Variants in DLGAP2 observed in about 807,000 individuals in gnomAD.
DLGAP2 encodes DLG associated protein 2, also known as disks large-associated protein 2.
Under a neutral mutation model 100.3 loss-of-function variants are expected in DLGAP2, and 26 were observed. The ratio of observed to expected loss-of-function variants is 0.26; its 90% CI spans 0.19 to 0.36. DLGAP2 has a LOEUF of 0.36. Among genes scored for constraint, DLGAP2 ranks in the 10% least tolerant of loss-of-function variants. DLGAP2 has a pLI of 1.00. For missense variants in DLGAP2, 1,858 were observed against 1,453.2 expected (o/e 1.28, Z -4.53); for synonymous variants, 886 against 630.1 (o/e 1.41, Z -6.08).
At chr8:997,493 A>G (rs983670749) in intron 2 of DLGAP2, among the ~76,000 whole-genome samples, 1 of 152,182 alleles carries the variant, frequency 6.6e-6, no homozygotes, top group African/African-American at 2.4e-5. Flanking sequence ...AGGAGTAACC[A>G]TCATTCACTA....
chr8:895,590 G>A (rs1461697886), intron 1 of DLGAP2, among the ~76,000 whole-genome samples: 12 of 152,194 alleles, frequency 7.9e-5, no homozygotes, highest in Admixed American at 7.2e-4. Context: ...GCCCTTTAAC[G>A]ATGAAATGTT....
intron 3 of DLGAP2, among the ~76,000 whole-genome samples, chr8:1,490,797 A>G (rs1343582114): frequency 6.7e-6 from 1 of 150,354 alleles, no homozygotes; most frequent in Admixed American, 6.6e-5. Flanking sequence ...CCCCAGGGTT[A>G]GGGAGGCAAG....
Position 1,361,074 on chromosome 8 carries a change from G to A in DLGAP2, c.106+102191G>A, listed in dbSNP as rs535051447. Among the ~76,000 whole-genome samples, 38 of 152,306 alleles carry A rather than the reference G, an allele frequency of 2.5e-4. No homozygotes were observed. In the Middle Eastern group the frequency reaches 0.014, roughly 55 times the overall value. On this transcript the variant is annotated intron_variant, in intron 3 of 14. Coordinates refer to ENST00000637795, the MANE Select transcript of DLGAP2 (RefSeq NM_001346810.2). ...TTTAAGCTTTGTGTGGGCAGTGGCC[G>A]GGACCAGCCCCAGGCTGTTCACAGT... is the stretch of plus-strand genomic sequence containing the variant.
chr8:1,386,557 A>T (rs912830166), intron 3 of DLGAP2, among the ~76,000 whole-genome samples: 9 of 152,164 alleles, frequency 5.9e-5, no homozygotes, highest in Middle Eastern at 3.2e-3. Flanking sequence ...GCCAGATGTG[A>T]GAGTGGAGTA....
At chr8:1,574,981 A>G (rs1450571191) in intron 6 of DLGAP2, among the ~76,000 whole-genome samples, 1 of 152,184 alleles carries the variant, frequency 6.6e-6, no homozygotes, top group Non-Finnish European at 1.5e-5. Context: ...ATCTTCCACA[A>G]ACACACACGT....
intron 3 of DLGAP2, among the ~76,000 whole-genome samples, chr8:1,493,289 G>C (rs1361309134): frequency 6.6e-6 from 1 of 151,618 alleles, no homozygotes; most frequent in Non-Finnish European, 1.5e-5. Context: ...CTCTGTGGAC[G>C]GAGGGCACAG....
At chr8:1,076,496 G>A (rs763034528) in intron 2 of DLGAP2, among the ~76,000 whole-genome samples, 4 of 152,250 alleles carry the variant, frequency 2.6e-5, no homozygotes, top group African/African-American at 9.6e-5. Flanking sequence ...GCCGCTCATG[G>A]CCCACACCTG....
intron 1 of DLGAP2, among the ~76,000 whole-genome samples, chr8:758,999 A>G (rs77275926): frequency 0.039 from 741 of 19,016 alleles, 1 homozygote; most frequent in African/African-American, 0.11. Context: ...CAATACCCCC[A>G]ACAGCCTTCC....
At chr8:1,017,418 ACGG>A (rs368703754) in intron 2 of DLGAP2, among the ~76,000 whole-genome samples, 1 of 26,422 alleles carries the variant, frequency 3.8e-5, no homozygotes, top group Non-Finnish European at 7.1e-5. Flanking sequence ...ACCAGGACAG[ACGG>A]CGCCTCCACT....
At chr8:1,048,923 C>T (rs968764922) in intron 2 of DLGAP2, among the ~76,000 whole-genome samples, 2 of 152,168 alleles carry the variant, frequency 1.3e-5, no homozygotes, top group Non-Finnish European at 2.9e-5. Flanking sequence ...ACTGCATGAA[C>T]AGACTCACGG....
At chr8:1,238,459 A>G (rs62487782) in intron 2 of DLGAP2, among the ~76,000 whole-genome samples, 2 of 129,894 alleles carry the variant, frequency 1.5e-5, no homozygotes, top group African/African-American at 2.9e-5. Flanking sequence ...CGCCGTGTCT[A>G]GTTCTCTCAC....
chr8:1,510,286 G>T (rs1484221921), intron 4 of DLGAP2, among the ~76,000 whole-genome samples: 1 of 152,238 alleles, frequency 6.6e-6, no homozygotes, highest in East Asian at 1.9e-4. Context: ...TGGCTGTGAA[G>T]TGTGGCTTCC....
intron 1 of DLGAP2, chr8:883,072 T>C (rs912807625): frequency 6.6e-6 from 1 of 152,428 alleles, no homozygotes; most frequent in South Asian, 2.1e-4. Context: ...CCAGGTCAGA[T>C]GATTTCCTGA....
At chr8:842,478 G>A (rs1180947310) in intron 1 of DLGAP2, among the ~76,000 whole-genome samples, 8 of 152,156 alleles carry the variant, frequency 5.3e-5, no homozygotes, top group Non-Finnish European at 1.0e-4. Context: ...AACGCCAGAG[G>A]ACTTTTACTC....
chr8:899,638 C>A (rs1434748866), intron 1 of DLGAP2, among the ~76,000 whole-genome samples: 1 of 152,202 alleles, frequency 6.6e-6, no homozygotes, highest in East Asian at 1.9e-4. Context: ...GTCCTGGCAT[C>A]ACAAACATTA....
At chr8:1,182,724 A>T (rs1797416853) in intron 2 of DLGAP2, among the ~76,000 whole-genome samples, 1 of 152,152 alleles carries the variant, frequency 6.6e-6, no homozygotes, top group Non-Finnish European at 1.5e-5. Context: ...CTGCCCTGAG[A>T]CACGGAGCTC....
chr8:1,594,044 A>T (rs1796370424), intron 6 of DLGAP2, among the ~76,000 whole-genome samples: 1 of 152,170 alleles, frequency 6.6e-6, no homozygotes, highest in African/African-American at 2.4e-5. Context: ...TTCTTCCCTG[A>T]TTCAGGCAGA....
At chr8:1,681,450 C>T (rs1194852123) in intron 12 of DLGAP2, among the ~76,000 whole-genome samples, 2 of 151,960 alleles carry the variant, frequency 1.3e-5, no homozygotes, top group Non-Finnish European at 2.9e-5. Flanking sequence ...CTGGACAACA[C>T]AGTGAGACCT....
chr8:1,668,599 T>C lies in DLGAP2; in HGVS notation c.2081T>C (p.Val694Ala), dbSNP rs373077533. The C allele has an allele frequency of 6.3e-7, 1 of 1,599,572 alleles. No homozygotes were observed. Among genetic ancestry groups the C allele is most frequent in the African/African-American group, 1.3e-5 (1 of 74,682 alleles). The change falls in exon 9 of 15, where the codon GTG becomes GCG. Residue 694 changes from valine to alanine, a missense_variant. Transcript: ENST00000637795. ...CTGCCAGAGAGCCAGAGCAGCTCTG[T>C]GCGGACCAGCGACAAGGCCATCCTG... ...RHLPESQSSS[V>A]RTSDKAILVS...
Sources: gnomAD v4.1 joint callset for allele counts (sites outside exome capture counted in the v4.1 genomes callset) on GRCh38, gnomAD v4.1.1 for gene constraint, MANE v1.5 for transcripts, NCBI Gene and HGNC (gene_info 2026-07-23, HGNC 2026-07-21) for gene names.